SCYL3: variants seen among roughly 807,000 people sequenced by gnomAD.
SCYL3 encodes SCY1 like pseudokinase 3.
SCYL3 carries 35 observed loss-of-function variants against 73.8 expected under a neutral mutation model. That is an observed-to-expected ratio of 0.47 (90% CI 0.36 to 0.63). The LOEUF (loss-of-function observed/expected upper bound fraction) is 0.63. Ranked by LOEUF, SCYL3 falls within the 20% of genes least tolerant of loss-of-function variation. The probability of loss-of-function intolerance (pLI) is 0.00; values close to 1 mark genes in which losing one functional copy is unlikely to be tolerated. For missense variants in SCYL3, 712 were observed against 798.9 expected, an observed-to-expected ratio of 0.89 and a Z score of 1.31; for synonymous variants, 277 against 295.2, an observed-to-expected ratio of 0.94 and a Z score of 0.63.
At chr1:169,877,604 A>T (rs1660944541) in intron 3 of SCYL3, among the ~76,000 whole-genome samples, 1 of 152,250 alleles carries the variant, frequency 6.6e-6, no homozygotes, top group South Asian at 2.1e-4. Flanking sequence ...GAAAGAGAAG[A>T]AGTATACACA....
rs769269718 is a variant in SCYL3, at chr1:169,852,745, A to T, written c.*968T>A. Reference sequence around the variant, plus strand: ...CTCCAGTCCAAAAGGAAGGTTCTTTATATTTAGAATGGATATTGTGATATT... The same window carrying T: ...CTCCAGTCCAAAAGGAAGGTTCTTTTTATTTAGAATGGATATTGTGATATT... On this transcript the variant is annotated 3_prime_UTR_variant, in exon 13 of 13. Coordinates refer to ENST00000367771, the MANE Select transcript of SCYL3 (RefSeq NM_020423.7). 1.1e-5 allele frequency: 18 copies of T among 1,582,502 alleles called. No homozygotes were observed. In the African/African-American group the frequency reaches 1.4e-4, roughly 12 times the overall value.
At position 169,870,238 on chromosome 1, in the gene SCYL3, G is replaced by A. The variant is rs567158047; in HGVS notation, c.625+17C>T. 17 of 1,551,750 alleles carry A rather than the reference G, an allele frequency of 1.1e-5. No homozygotes were observed. In the African/African-American group the frequency reaches 1.9e-4, roughly 17 times the overall value. Reference sequence around the variant, plus strand: ...TCCTACTTATTCTATAGATGCAGTAGTATAACTCCAACTCACCCTGTTCAT... The same window carrying A: ...TCCTACTTATTCTATAGATGCAGTAATATAACTCCAACTCACCCTGTTCAT... On this transcript the variant is annotated intron_variant, in intron 6 of 12. Transcript: ENST00000367771.
Position 169,870,257 on chromosome 1 carries a change from T to C in SCYL3, c.623A>G (p.Gln208Arg), listed in dbSNP as rs1398842966. The part of the protein sequence containing the change: ...VESLLTILNE[Q>R]VSADVLSSFQ... ...GCAGTAGTATAACTCCAACTCACCC[T>C]GTTCATTTAAGATTGTGAGCAAACT... Residue 208 changes from glutamine to arginine, a missense_variant and splice_region_variant, in exon 6 of 13, where the codon CAG becomes CGG. Gln to Arg is a conservative substitution (Grantham distance 43). Coordinates refer to ENST00000367771, the MANE Select transcript of SCYL3 (RefSeq NM_020423.7). The C allele has an allele frequency of 1.9e-6, 3 of 1,608,236 alleles. No individual in the cohort carries two copies. The highest frequency in any genetic ancestry group is 2.6e-6 in the Non-Finnish European group (3 of 1,175,072).
intron 2 of SCYL3, among the ~76,000 whole-genome samples, chr1:169,886,025 A>G (rs904074987): frequency 6.6e-6 from 1 of 152,028 alleles, no homozygotes; most frequent in Non-Finnish European, 1.5e-5. Context: ...TAAAAAGTCA[A>G]CCATGGGCCA....
At chr1:169,867,122 T>A in intron 7 of SCYL3, 149 bp from the exon 8 acceptor site, 1 of 576,286 alleles carries the variant, frequency 1.7e-6, no homozygotes, top group Non-Finnish European at 3.1e-6. Context: ...AAGTAGCTTA[T>A]GAGACAAATA....
rs80202143 is a variant in SCYL3 at position 169,858,496 on chromosome 1, A to C, written c.1312+545T>G. Among the ~76,000 whole-genome samples, 682 of 152,372 alleles carry C rather than the reference A, an allele frequency of 4.5e-3. 2 individuals carry two copies. The highest frequency in any genetic ancestry group is 0.016 in the African/African-American group (645 of 41,586). ...TCACAGTTAAAGTTTTTTCTTTTTA[A>C]TAAGCAGAAGGAATACACTAATGAT... On this transcript the variant is annotated intron_variant, in intron 11 of 12. Transcript: ENST00000367771.
Position 169,849,667 on chromosome 1 carries a change from G to C in SCYL3, c.*4046C>G. 1 of 1,300,556 alleles carries C rather than the reference G, an allele frequency of 7.7e-7. No individual in the cohort carries two copies. The highest frequency in any genetic ancestry group is 1.1e-6 in the Non-Finnish European group (1 of 904,820). 80.6% of individuals were successfully genotyped at this position (1,300,556 alleles called of 1,614,324 possible). ...CCATTTTAATATTTCAAATATTCCA[G>C]AACAATCCCAAAACATTTATTGAAC... On this transcript the variant is annotated 3_prime_UTR_variant, in exon 13 of 13. Transcript: ENST00000367771.
At position 169,853,691 on chromosome 1, in the gene SCYL3, A is replaced by G. The variant is rs775664862; in HGVS notation, c.*22T>C. On this transcript the variant is annotated 3_prime_UTR_variant, in exon 13 of 13. Coordinates refer to ENST00000367771, the MANE Select transcript of SCYL3 (RefSeq NM_020423.7). ...TTAAAAAAAGGGAATCCTTTTTCCT[A>G]AAGTTTAACTCACATCTATTGTCAC... 6.3e-5 allele frequency: 102 copies of G among 1,609,460 alleles called. No individual in the cohort carries two copies. Among genetic ancestry groups the G allele is most frequent in the Non-Finnish European group, 8.2e-5 (97 of 1,178,274 alleles).
intron 1 of SCYL3, among the ~76,000 whole-genome samples, chr1:169,890,486 C>T (rs1417752152): frequency 1.3e-5 from 2 of 152,168 alleles, no homozygotes; most frequent in African/African-American, 4.8e-5. Context: ...ATAATCATTA[C>T]ACATTGACCC....
chr1:169,855,648 T>G (rs1558115707), intron 11 of SCYL3: 1 of 671,560 alleles, frequency 1.5e-6, no homozygotes, highest in Non-Finnish European at 2.4e-6. Context: ...ATATATCCAA[T>G]AGTCTGGAGA....
intron 1 of SCYL3, 111 bp from the exon 2 acceptor site, chr1:169,889,001 T>A: frequency 1.9e-6 from 1 of 530,632 alleles, no homozygotes; most frequent in Non-Finnish European, 3.1e-6. Context: ...TCCTCATAAC[T>A]AGGACATTTG....
rs2102111775 is a variant in SCYL3, at chr1:169,853,004, G to GAACTGGCAA, written c.*708_*709insTTGCCAGTT. On this transcript the variant is annotated 3_prime_UTR_variant, in exon 13 of 13. Transcript: ENST00000367771. ...CTAGGGTGAAACTTATCACTAGGCA[G>GAACTGGCAA]AACTGGGTTTGATGCTTTGTCAACT... The GAACTGGCAA allele has an allele frequency of 1.2e-6, 2 of 1,612,314 alleles. No homozygotes were observed. Among genetic ancestry groups the GAACTGGCAA allele is most frequent in the East Asian group, 4.5e-5 (2 of 44,868 alleles).
At chr1:169,868,649 T>A (rs891967706) in intron 7 of SCYL3, among the ~76,000 whole-genome samples, 6 of 152,342 alleles carry the variant, frequency 3.9e-5, no homozygotes, top group Admixed American at 2.0e-4. Flanking sequence ...GCTTCTTCAC[T>A]ATTAGAAGCC....
At position 169,853,628 on chromosome 1, in the gene SCYL3, T is replaced by G; in HGVS notation, c.*85A>C. 6.8e-7 allele frequency: 1 copy of G among 1,460,656 alleles called. No homozygotes were observed. The highest frequency in any genetic ancestry group is 9.5e-7 in the Non-Finnish European group (1 of 1,056,122). 90.5% of individuals were successfully genotyped at this position (1,460,656 alleles called of 1,614,324 possible). A position where few individuals can be genotyped will look rare whatever the true frequency, so the allele number is the denominator to read the frequency against. ...GGAAAAGCAGGCCACTTTGGGGTTT[T>G]CTTGTCCCAAAGCCTGCTTTTGAGG... On this transcript the variant is annotated 3_prime_UTR_variant, in exon 13 of 13. Coordinates refer to ENST00000367771, the MANE Select transcript of SCYL3 (RefSeq NM_020423.7).
intron 1 of SCYL3, among the ~76,000 whole-genome samples, chr1:169,890,271 T>G (rs910334946): frequency 2.0e-5 from 3 of 152,246 alleles, no homozygotes; most frequent in Non-Finnish European, 4.4e-5. Context: ...TTTCTAAACC[T>G]ATATAGGCCA....
At position 169,880,970 on chromosome 1, in the gene SCYL3, C is replaced by A. The variant is rs944711173; in HGVS notation, c.166-2151G>T. 2.0e-5 allele frequency among the ~76,000 whole-genome samples: 3 copies of A among 152,172 alleles called. 1 individual carries two copies. The highest frequency in any genetic ancestry group is 4.4e-5 in the Non-Finnish European group (3 of 68,018). On this transcript the variant is annotated intron_variant, in intron 2 of 12. Transcript: ENST00000367771. ...AGAGACAGGGTTTCACCATGTTGGCCAGGCTGCTCTCGAATTCCTGACCTC... is the reference window on the plus strand; with the variant it reads ...AGAGACAGGGTTTCACCATGTTGGCAAGGCTGCTCTCGAATTCCTGACCTC...
At chr1:169,862,908 T>C (rs1440882545) in intron 9 of SCYL3, 111 bp from the exon 10 acceptor site, 3 of 997,890 alleles carry the variant, frequency 3.0e-6, no homozygotes, top group Non-Finnish European at 4.4e-6. Flanking sequence ...CTAAGTACTC[T>C]TCTAAATTCT....
At chr1:169,881,587 C>T (rs1661261966) in intron 2 of SCYL3, among the ~76,000 whole-genome samples, 1 of 152,104 alleles carries the variant, frequency 6.6e-6, no homozygotes, top group Non-Finnish European at 1.5e-5. Flanking sequence ...TCTCTTCATC[C>T]CCTACAATCC....
intron 4 of SCYL3, among the ~76,000 whole-genome samples, chr1:169,874,266 G>A (rs996854023): frequency 6.6e-6 from 1 of 152,094 alleles, no homozygotes; most frequent in Non-Finnish European, 1.5e-5. Flanking sequence ...TATTTTTGAA[G>A]AGCCTATATG....
Sources: allele counts gnomAD v4.1 joint callset (sites outside exome capture counted in the v4.1 genomes callset), GRCh38; gene constraint gnomAD v4.1.1; transcripts MANE v1.5; gene names NCBI Gene and HGNC (gene_info 2026-07-23, HGNC 2026-07-21).